ARFGEF2: variants seen among roughly 807,000 people sequenced by gnomAD.
ARFGEF2 encodes the protein brefeldin A-inhibited guanine nucleotide-exchange protein 2.
A neutral mutation model predicts 219.9 loss-of-function variants in ARFGEF2; 74 were observed. The ratio of observed to expected loss-of-function variants is 0.34; its 90% CI spans 0.28 to 0.41. The LOEUF (loss-of-function observed/expected upper bound fraction) is 0.41. Ranked by LOEUF, ARFGEF2 falls within the 10% of genes least tolerant of loss-of-function variation. The probability of loss-of-function intolerance (pLI) is 1.00; values close to 1 mark genes in which losing one functional copy is unlikely to be tolerated. For synonymous variants in ARFGEF2, 733 were observed against 799.2 expected (o/e 0.92, Z 1.40); for missense variants, 1,743 against 2,218.3 (o/e 0.79, Z 4.30).
At chr20:49,014,378 G>C (rs1340671480) in intron 30 of ARFGEF2, among the ~76,000 whole-genome samples, 1 of 152,046 alleles carries the variant, frequency 6.6e-6, no homozygotes, top group African/African-American at 2.4e-5. Flanking sequence ...AAGGAAGTTT[G>C]ATGCCTGTAG....
chr20:48,945,812 C>T (rs1352797140), intron 3 of ARFGEF2, among the ~76,000 whole-genome samples: 1 of 152,048 alleles, frequency 6.6e-6, no homozygotes. Context: ...TGCAGTGAGC[C>T]GTGATGGTGA....
intron 35 of ARFGEF2, 62 bp downstream of exon 35, chr20:49,023,243 G>T: frequency 1.2e-6 from 2 of 1,604,968 alleles, no homozygotes; most frequent in East Asian, 2.2e-5. Flanking sequence ...TTGATGTAGT[G>T]GTGTGCGGAA....
intron 8 of ARFGEF2, among the ~76,000 whole-genome samples, chr20:48,968,862 C>T (rs2091207491): frequency 6.6e-6 from 1 of 152,152 alleles, no homozygotes. Context: ...ATCCTTCCCT[C>T]CCCCACATCC....
intron 1 of ARFGEF2, among the ~76,000 whole-genome samples, chr20:48,933,652 G>T (rs953809110): frequency 9.9e-5 from 15 of 152,130 alleles, no homozygotes; most frequent in African/African-American, 3.4e-4. Context: ...AAGAGCAAGA[G>T]AACTGACATT....
At chr20:48,973,928 T>C (rs939165335) in intron 12 of ARFGEF2, among the ~76,000 whole-genome samples, 2 of 152,140 alleles carry the variant, frequency 1.3e-5, no homozygotes, top group African/African-American at 4.8e-5. Flanking sequence ...CAACTTGTTA[T>C]TTAAGAATGC....
intron 30 of ARFGEF2, among the ~76,000 whole-genome samples, chr20:49,015,218 A>G (rs1329837462): frequency 1.3e-5 from 2 of 151,982 alleles, no homozygotes; most frequent in African/African-American, 4.8e-5. Flanking sequence ...GGGTTAAGCA[A>G]TTCTCCTGCC....
At chr20:48,947,537 C>T (rs2091035854) in intron 3 of ARFGEF2, among the ~76,000 whole-genome samples, 2 of 152,210 alleles carry the variant, frequency 1.3e-5, no homozygotes, top group South Asian at 2.1e-4. Context: ...TCTACAAAAA[C>T]CTCTTTATTT....
chr20:49,030,060 A>G (rs936922575), intron 37 of ARFGEF2, among the ~76,000 whole-genome samples: 6 of 149,960 alleles, frequency 4.0e-5, no homozygotes, highest in Non-Finnish European at 7.4e-5. Context: ...GGCGTGTGCC[A>G]TCACACACCT....
intron 1 of ARFGEF2, among the ~76,000 whole-genome samples, chr20:48,940,751 C>A (rs1386888974): frequency 6.6e-6 from 1 of 152,170 alleles, no homozygotes; most frequent in African/African-American, 2.4e-5. Context: ...TTGGCAATGT[C>A]TACAGACGTT....
intron 30 of ARFGEF2, among the ~76,000 whole-genome samples, chr20:49,015,459 T>C (rs1320146110): frequency 6.6e-6 from 1 of 152,244 alleles, no homozygotes; most frequent in Non-Finnish European, 1.5e-5. Flanking sequence ...ATAGTCTTAG[T>C]TGTGGATGTT....
intron 16 of ARFGEF2, among the ~76,000 whole-genome samples, chr20:48,987,748 T>G (rs2123458103): frequency 6.6e-6 from 1 of 152,296 alleles, no homozygotes. Context: ...TTAAAAAAAA[T>G]TATTTGAAAT....
At chr20:48,950,811 A>AAAAATAT (rs1176537072) in intron 3 of ARFGEF2, among the ~76,000 whole-genome samples, 3 of 64,512 alleles carry the variant, frequency 4.7e-5, no homozygotes, top group Non-Finnish European at 7.8e-5. Context: ...AAAAAAAAAA[A>AAAAATAT]ATATATATAT....
rs533047547 is a variant in ARFGEF2 at position 48,953,776 on chromosome 20, G to C, written c.824G>C (p.Gly275Ala). Residue 275 changes from glycine to alanine, a missense_variant, in exon 6 of 39, where the codon GGC becomes GCC. Coordinates refer to ENST00000371917, the MANE Select transcript of ARFGEF2 (RefSeq NM_006420.3). ...AATGGAGACGCACCCAGAGAAAGAG[G>C]CTCATCACTGTCAGGTACGGGCTGA... ...TENGDAPRER[G>A]SSLSGTDDGA... 5 of 1,613,982 alleles carry C rather than the reference G, an allele frequency of 3.1e-6. No homozygotes were observed. Among genetic ancestry groups the C allele is most frequent in the Non-Finnish European group, 3.4e-6 (4 of 1,179,920 alleles).
chr20:49,016,628 G>A (rs1429228066), intron 31 of ARFGEF2, among the ~76,000 whole-genome samples: 3 of 152,020 alleles, frequency 2.0e-5, no homozygotes, highest in African/African-American at 7.2e-5. Context: ...AGTTATTTTT[G>A]TATTCTACAA....
At chr20:48,989,170 C>CGAGATGGTTGGGAGGATTTAGGAGTTA (rs2091343196) in intron 18 of ARFGEF2, 115 bp from the exon 19 acceptor site, 2 of 1,195,702 alleles carry the variant, frequency 1.7e-6, no homozygotes, top group Non-Finnish European at 2.5e-6. Context: ...AATGGACTCA[C>CGAGATGGTTGGGAGGATTTAGGAGTTA]GAGATGGTTG....
Position 49,017,487 on chromosome 20 carries a change from T to C in ARFGEF2, c.4455-9T>C. ...ATTGATTATTTTTTTTCTCTATTTT[T>C]TTCTTCAGTTTGCTGACATGGAGAC... On this transcript the variant is annotated splice_polypyrimidine_tract_variant and intron_variant, in intron 32 of 38. Transcript: ENST00000371917. 6.2e-7 allele frequency: 1 copy of C among 1,613,752 alleles called. No homozygotes were observed. Among genetic ancestry groups the C allele is most frequent in the Non-Finnish European group, 8.5e-7 (1 of 1,179,820 alleles).
intron 31 of ARFGEF2, among the ~76,000 whole-genome samples, chr20:49,016,619 G>A (rs1293107820): frequency 6.6e-6 from 1 of 152,088 alleles, no homozygotes; most frequent in Non-Finnish European, 1.5e-5. Context: ...ATGGGATATA[G>A]TTATTTTTGT....
chr20:48,997,265 T>TTG (rs1600643193), intron 23 of ARFGEF2, among the ~76,000 whole-genome samples: 5 of 150,830 alleles, frequency 3.3e-5, no homozygotes, highest in Non-Finnish European at 7.4e-5. Context: ...ATATCTTATG[T>TTG]ATTGATTGAT....
chr20:48,963,709 G>A (rs1055471586), intron 6 of ARFGEF2, 121 bp from the exon 7 acceptor site: 2 of 943,296 alleles, frequency 2.1e-6, no homozygotes, highest in Admixed American at 2.0e-5. Flanking sequence ...TGGCCTTGGG[G>A]AGAACTTATT....
Sources: allele counts gnomAD v4.1 joint callset (sites outside exome capture counted in the v4.1 genomes callset), GRCh38; gene constraint gnomAD v4.1.1; transcripts MANE v1.5; gene names NCBI Gene and HGNC (gene_info 2026-07-23, HGNC 2026-07-21).